The following PIBF1 variants were observed in gnomAD, a reference collection of about 807,000 sequenced individuals.
The protein encoded by PIBF1 is progesterone immunomodulatory binding factor 1, also known as progesterone-induced-blocking factor 1.
Under a neutral mutation model 112.5 loss-of-function variants are expected in PIBF1, and 90 were observed. The observed-to-expected ratio is 0.80, with a 90% CI of 0.67 to 0.95. The LOEUF (loss-of-function observed/expected upper bound fraction) is 0.95, where lower values mean the gene tolerates loss of function less well. PIBF1 is among the 40% of genes least tolerant of loss of function. The pLI is 0.00. For missense variants in PIBF1, 915 were observed against 852.3 expected, an observed-to-expected ratio of 1.07 and a Z score of -0.92; for synonymous variants, 301 against 288.6, an observed-to-expected ratio of 1.04 and a Z score of -0.44.
rs371667760 is a variant in PIBF1 at position 72,789,944 on chromosome 13, G to A, written c.253-2503G>A. Among the ~76,000 whole-genome samples the A allele has an allele frequency of 7.2e-5, 11 of 152,282 alleles. No homozygotes were observed. In the East Asian group the frequency reaches 1.7e-3, roughly 24 times the overall value. The stretch of plus-strand genomic sequence containing the variant: ...TTGGGAAACAGTAATTATAAGGAAT[G>A]TGTTTATTTTACATTTTATATTGAT... On this transcript the variant is annotated intron_variant, in intron 2 of 17. Coordinates refer to ENST00000326291, the MANE Select transcript of PIBF1 (RefSeq NM_006346.4).
intron 1 of PIBF1, among the ~76,000 whole-genome samples, chr13:72,782,875 CGTGT>C (rs34618038): frequency 0.046 from 6,703 of 147,188 alleles, 296 homozygotes; most frequent in Admixed American, 0.16. Context: ...TCGTTAAGGG[CGTGT>C]GTGTGTGTGT....
At chr13:72,893,757 G>A (rs760291142) in intron 10 of PIBF1, 27 bp from the exon 11 acceptor site, 22 of 1,417,502 alleles carry the variant, frequency 1.6e-5, no homozygotes, top group Non-Finnish European at 2.1e-5. Flanking sequence ...TTTCTTTAGA[G>A]TGTCATAACC....
chr13:72,982,388 A>T (rs2043177836), intron 16 of PIBF1, among the ~76,000 whole-genome samples: 2 of 152,178 alleles, frequency 1.3e-5, no homozygotes, highest in Non-Finnish European at 2.9e-5. Context: ...GTGAGCAGTG[A>T]TCGTGCCACT....
chr13:72,856,271 T>C (rs2038417997), intron 10 of PIBF1, among the ~76,000 whole-genome samples: 1 of 152,206 alleles, frequency 6.6e-6, no homozygotes, highest in Non-Finnish European at 1.5e-5. Flanking sequence ...GAAACTTTAC[T>C]AACTGAATTT....
At chr13:72,815,753 A>G (rs2036237885) in intron 5 of PIBF1, among the ~76,000 whole-genome samples, 1 of 152,144 alleles carries the variant, frequency 6.6e-6, no homozygotes, top group Non-Finnish European at 1.5e-5. Context: ...GCAGCCTTGA[A>G]GTCCTAGGCT....
intron 8 of PIBF1, among the ~76,000 whole-genome samples, chr13:72,831,486 A>G (rs926578478): frequency 3.3e-5 from 5 of 152,022 alleles, no homozygotes; most frequent in African/African-American, 1.2e-4. Context: ...ATTGGTTTCA[A>G]AGAACATCTT....
intron 17 of PIBF1, among the ~76,000 whole-genome samples, chr13:73,003,999 G>T (rs143686349): frequency 6.6e-6 from 1 of 152,132 alleles, no homozygotes. Flanking sequence ...ATAGTCATCA[G>T]CCACTGCACC....
At chr13:72,906,149 A>G (rs1566431357) in intron 11 of PIBF1, among the ~76,000 whole-genome samples, 1 of 152,124 alleles carries the variant, frequency 6.6e-6, no homozygotes, top group Non-Finnish European at 1.5e-5. Flanking sequence ...TAATTTCATC[A>G]TGGTAAAGAT....
At chr13:72,815,965 ATTTG>A (rs1431160382) in intron 5 of PIBF1, among the ~76,000 whole-genome samples, 1 of 152,212 alleles carries the variant, frequency 6.6e-6, no homozygotes, top group Non-Finnish European at 1.5e-5. Flanking sequence ...TAAGATTCAA[ATTTG>A]TTTGGTTCAA....
chr13:72,876,865 A>T (rs1442088882), intron 10 of PIBF1, among the ~76,000 whole-genome samples: 1 of 152,172 alleles, frequency 6.6e-6, no homozygotes, highest in African/African-American at 2.4e-5. Context: ...TATCATCTGC[A>T]TACACAGTTT....
chr13:72,977,110 G>A (rs1209274591), intron 16 of PIBF1, among the ~76,000 whole-genome samples: 4 of 152,184 alleles, frequency 2.6e-5, no homozygotes, highest in Admixed American at 2.0e-4. Context: ...GATTCAAAAA[G>A]AGACCAAATG....
intron 17 of PIBF1, among the ~76,000 whole-genome samples, chr13:73,009,147 C>T (rs1023583923): frequency 3.9e-5 from 6 of 152,066 alleles, no homozygotes; most frequent in African/African-American, 9.7e-5. Context: ...AAGCGGGAAG[C>T]GAGAAAAAGG....
At chr13:72,993,505 G>A (rs576009593) in intron 16 of PIBF1, among the ~76,000 whole-genome samples, 32 of 152,048 alleles carry the variant, frequency 2.1e-4, no homozygotes, top group African/African-American at 6.3e-4. Context: ...GAAGATTCTC[G>A]CAAGAAAGAA....
chr13:72,851,377 G>T (rs1407159071), intron 9 of PIBF1, among the ~76,000 whole-genome samples: 1 of 152,236 alleles, frequency 6.6e-6, no homozygotes, highest in African/African-American at 2.4e-5. Context: ...CAAAGTTGAG[G>T]CCAAGCCTGG....
At chr13:72,908,988 G>A (rs1384149308) in intron 12 of PIBF1, among the ~76,000 whole-genome samples, 4 of 151,584 alleles carry the variant, frequency 2.6e-5, no homozygotes, top group African/African-American at 4.8e-5. Flanking sequence ...CAGAGGTCGC[G>A]TTGAGCCGAA....
intron 10 of PIBF1, among the ~76,000 whole-genome samples, chr13:72,869,492 G>A (rs575319657): frequency 6.6e-6 from 1 of 150,882 alleles, no homozygotes; most frequent in African/African-American, 2.4e-5. Context: ...GGAAGGGATA[G>A]CATTAGGAGA....
chr13:72,908,693 C>G lies in PIBF1; in HGVS notation c.1639+12C>G. 6.2e-7 allele frequency: 1 copy of G among 1,601,484 alleles called. No homozygotes were observed. The highest frequency in any genetic ancestry group is 8.5e-7 in the Non-Finnish European group (1 of 1,175,624). On this transcript the variant is annotated intron_variant, in intron 12 of 17. Transcript: ENST00000326291. ...GCAAACTGCAGAAAGTAAGTCTTCC[C>G]CCACACACACATGCACAACTTTTTT...
At chr13:72,992,087 G>A (rs548659196) in intron 16 of PIBF1, among the ~76,000 whole-genome samples, 6 of 152,250 alleles carry the variant, frequency 3.9e-5, no homozygotes, top group African/African-American at 1.2e-4. Context: ...CAGAGCTTTG[G>A]TAAGCCAAGA....
intron 5 of PIBF1, among the ~76,000 whole-genome samples, chr13:72,812,761 T>C (rs1231519382): frequency 6.6e-6 from 1 of 151,232 alleles, no homozygotes; most frequent in African/African-American, 2.4e-5. Flanking sequence ...GAAGACAGAA[T>C]GAGACCCTGT....
Sources: gnomAD v4.1 joint callset for allele counts (sites outside exome capture counted in the v4.1 genomes callset) on GRCh38, gnomAD v4.1.1 for gene constraint, MANE v1.5 for transcripts, NCBI Gene and HGNC (gene_info 2026-07-23, HGNC 2026-07-21) for gene names.